APOBEC4: variants seen among roughly 807,000 people sequenced by gnomAD.
The protein encoded by APOBEC4 is apolipoprotein B mRNA editing enzyme catalytic polypeptide like 4.
For missense variants in APOBEC4, 375 were observed against 441.2 expected (o/e 0.85, Z 1.34); for synonymous variants, 141 against 154.2 (o/e 0.91, Z 0.63).
At position 183,646,533 on chromosome 1, in the gene APOBEC4, G is replaced by A. The variant is rs1212624818; in HGVS notation, c.*1145C>T. The A allele has an allele frequency of 6.6e-6, 1 of 152,126 alleles. No individual in the cohort carries two copies. Among genetic ancestry groups the A allele is most frequent in the Non-Finnish European group, 1.5e-5 (1 of 68,010 alleles). The allele number at this position is 152,126 out of a possible 1,614,324, so 9.4% of individuals were successfully genotyped here. The stretch of plus-strand genomic sequence containing the variant: ...GCAAGTGGCAGCAAATGTGAAATAA[G>A]CATAAGCAAAGTGCTTTCATTTAAG... On this transcript the variant is annotated 3_prime_UTR_variant, in exon 2 of 2. Coordinates refer to ENST00000308641, the MANE Select transcript of APOBEC4 (RefSeq NM_203454.3).
At position 183,648,104 on chromosome 1, in the gene APOBEC4, T is replaced by A. The variant is rs746050626; in HGVS notation, c.678A>T (p.Ala226=). Residue 226 remains alanine (A), a synonymous_variant, in exon 2 of 2, where the codon GCA becomes GCT. Transcript: ENST00000308641. ...CGCCTGTTATGGCATTGATTTCATA[T>A]GCGTTGTGCCTGTCAGCCAGTGCTC... ...TGRALADRHN[A]YEINAITGVK... 5.6e-6 allele frequency: 9 copies of A among 1,614,146 alleles called. No individual in the cohort carries two copies. Among genetic ancestry groups the A allele is most frequent in the African/African-American group, 1.3e-5 (1 of 74,940 alleles).
intron 1 of APOBEC4, among the ~76,000 whole-genome samples, chr1:183,651,926 C>T (rs1650784544): frequency 6.6e-6 from 1 of 152,150 alleles, no homozygotes; most frequent in Admixed American, 6.5e-5. Flanking sequence ...CAGAACTTGC[C>T]AAAACCAAGC....
chr1:183,648,958 ATTC>A, intron 1 of APOBEC4, 147 bp from the exon 2 acceptor site: 1 of 573,670 alleles, frequency 1.7e-6, no homozygotes, highest in South Asian at 2.7e-5. Flanking sequence ...AGGATTCATT[ATTC>A]TTTATTGAGA....
chr1:183,647,752 T>C lies in APOBEC4; in HGVS notation c.1030A>G (p.Ile344Val). ...GCAAACTGTTCTGTGATTTCCACTA[T>C]CTCCACTGACCTTCCAGTGGGAAGC... is the stretch of plus-strand genomic sequence containing the variant. ...GRLPTGRSVEIVEITEQFASS... is the reference protein window; with the variant it reads ...GRLPTGRSVEVVEITEQFASS... Residue 344 changes from isoleucine to valine, a missense_variant, in exon 2 of 2, where the codon ATA (isoleucine) becomes GTA (valine). Ile to Val is a conservative substitution (Grantham distance 29, BLOSUM62 3). Transcript: ENST00000308641. 1 of 1,614,170 alleles carries C rather than the reference T, an allele frequency of 6.2e-7. No individual in the cohort carries two copies. The highest frequency in any genetic ancestry group is 8.5e-7 in the Non-Finnish European group (1 of 1,179,996).
rs1650300369 is a variant in APOBEC4, at chr1:183,646,457, A to C, written c.*1221T>G. 1 of 152,112 alleles carries C rather than the reference A, an allele frequency of 6.6e-6. No individual in the cohort carries two copies. Among genetic ancestry groups the C allele is most frequent in the Non-Finnish European group, 1.5e-5 (1 of 68,026 alleles). 9.4% of individuals were successfully genotyped at this position (152,112 alleles called of 1,614,324 possible). ...TAAAGAAAAAAATTAATAGCAAGTT[A>C]CGAGAAAATGTACATTTTTCTTGTA... On this transcript the variant is annotated 3_prime_UTR_variant, in exon 2 of 2. Coordinates refer to ENST00000308641, the MANE Select transcript of APOBEC4 (RefSeq NM_203454.3).
intron 1 of APOBEC4, among the ~76,000 whole-genome samples, chr1:183,650,682 A>T (rs1650678176): frequency 6.7e-6 from 1 of 149,214 alleles, no homozygotes; most frequent in South Asian, 2.1e-4. Flanking sequence ...TGCATATATT[A>T]TATAATATTT....
chr1:183,647,497 G>T lies in APOBEC4; in HGVS notation c.*181C>A. ...ATCAAGTTGCTTATGGAAACATTTT[G>T]GATTATGTTTAAAATAGTGTAACTT... is the stretch of plus-strand genomic sequence containing the variant. On this transcript the variant is annotated 3_prime_UTR_variant, in exon 2 of 2. Transcript: ENST00000308641. 1 of 987,004 alleles carries T rather than the reference G, an allele frequency of 1.0e-6. No homozygotes were observed. Among genetic ancestry groups the T allele is most frequent in the Non-Finnish European group, 1.4e-6 (1 of 738,376 alleles). The allele number at this position is 987,004 out of a possible 1,614,324, so 61.1% of individuals were successfully genotyped here. A position where few individuals can be genotyped will look rare whatever the true frequency, so the allele number is the denominator to read the frequency against.
In APOBEC4 at chr1:183,648,179, A is replaced by C. The variant is rs1413582181; in HGVS notation, c.603T>G (p.Phe201Leu). The change falls in exon 2 of 2, where the codon TTT becomes TTG. Residue 201 changes from phenylalanine (F) to leucine (L), a missense_variant. Coordinates refer to ENST00000308641, the MANE Select transcript of APOBEC4 (RefSeq NM_203454.3). ...CATGTGATCCTGAGACACCACTTAT[A>C]AAGCTGTGGAGAACAGAATGCCAGA... ...GGIWHSVLHS[F>L]ISGVSGSHVF... 1 of 1,614,210 alleles carries C rather than the reference A, an allele frequency of 6.2e-7. No homozygotes were observed. The highest frequency in any genetic ancestry group is 8.5e-7 in the Non-Finnish European group (1 of 1,180,040).
At chr1:183,649,864 T>C (rs1650588358) in intron 1 of APOBEC4, among the ~76,000 whole-genome samples, 1 of 152,238 alleles carries the variant, frequency 6.6e-6, no homozygotes, top group South Asian at 2.1e-4. Context: ...CAGATTGCAG[T>C]GCAGTGAGAT....
Position 183,648,593 on chromosome 1 carries a change from TG to T in APOBEC4, c.188del (p.Thr63LysfsTer9). On this transcript the variant is annotated frameshift_variant, in exon 2 of 2. Coordinates refer to ENST00000308641, the MANE Select transcript of APOBEC4 (RefSeq NM_203454.3). LOFTEE classifies it low-confidence loss of function (END_TRUNC). ...GFPYGTTFPQ[T>X]KHLTFYELKT... ...TTAGTTCATAAAATGTGAGGTGTTT[TG>T]TTTGAGGAAATGTTGTCCCATAAGG... The T allele has an allele frequency of 6.2e-7, 1 of 1,614,234 alleles. No homozygotes were observed. The highest frequency in any genetic ancestry group is 1.1e-5 in the South Asian group (1 of 91,090).
In APOBEC4 at chr1:183,648,811, C is replaced by A. The variant is rs752259873; in HGVS notation, c.-30G>T. Reference sequence around the variant, plus strand: ...AGATTTACTGTCTTCTAGCTGCAAACCTAAACAAGGAAGAGAAATTACATA... The same window carrying A: ...AGATTTACTGTCTTCTAGCTGCAAAACTAAACAAGGAAGAGAAATTACATA... On this transcript the variant is annotated splice_region_variant and 5_prime_UTR_variant, in exon 2 of 2. Coordinates refer to ENST00000308641, the MANE Select transcript of APOBEC4 (RefSeq NM_203454.3). 1.6e-5 allele frequency: 24 copies of A among 1,517,448 alleles called. No homozygotes were observed. The African/African-American group carries it at 2.9e-4, about 19-fold the overall frequency. 94.0% of individuals were successfully genotyped at this position (1,517,448 alleles called of 1,614,324 possible).
intron 1 of APOBEC4, among the ~76,000 whole-genome samples, chr1:183,650,468 A>G (rs183741972): frequency 2.2e-4 from 33 of 152,230 alleles, no homozygotes; most frequent in East Asian, 5.8e-4. Context: ...GCGTGAACCC[A>G]GGAGGCAGAG....
rs889407861 is a variant in APOBEC4 at position 183,646,523 on chromosome 1, T to A, written c.*1155A>T. 6.6e-6 allele frequency: 1 copy of A among 152,154 alleles called. No homozygotes were observed. Among genetic ancestry groups the A allele is most frequent in the Non-Finnish European group, 1.5e-5 (1 of 68,008 alleles). 9.4% of individuals were successfully genotyped at this position (152,154 alleles called of 1,614,324 possible). On this transcript the variant is annotated 3_prime_UTR_variant, in exon 2 of 2. Coordinates refer to ENST00000308641, the MANE Select transcript of APOBEC4 (RefSeq NM_203454.3). ...TTTCAAAGAGGCAAGTGGCAGCAAA[T>A]GTGAAATAAGCATAAGCAAAGTGCT... is the stretch of plus-strand genomic sequence containing the variant.
Position 183,647,958 on chromosome 1 carries a change from G to A in APOBEC4, c.824C>T (p.Pro275Leu), listed in dbSNP as rs754797713. 15 of 1,614,160 alleles carry A rather than the reference G, an allele frequency of 9.3e-6. No homozygotes were observed. Among genetic ancestry groups the A allele is most frequent in the Non-Finnish European group, 1.2e-5 (14 of 1,180,020 alleles). The change falls in exon 2 of 2, where the codon CCG (proline) becomes CTG (leucine). Residue 275 changes from proline (P) to leucine (L), a missense_variant. Coordinates refer to ENST00000308641, the MANE Select transcript of APOBEC4 (RefSeq NM_203454.3). ...TAGGTTGGGTTGGAGTTGTCCACTCGGCATTTGAAAAAACTGTCCAGGAAA... is the reference window on the plus strand; with the variant it reads ...TAGGTTGGGTTGGAGTTGTCCACTCAGCATTTGAAAAAACTGTCCAGGAAA... ...NAFPGQFFQM[P>L]SGQLQPNLPP...
chr1:183,649,022 C>T (rs767748397), intron 1 of APOBEC4, among the ~76,000 whole-genome samples: 2 of 152,204 alleles, frequency 1.3e-5, no homozygotes, highest in Non-Finnish European at 2.9e-5. Flanking sequence ...TTCAACTTTA[C>T]CTGTTTCATA....
At position 183,647,808 on chromosome 1, in the gene APOBEC4, A is replaced by G; in HGVS notation, c.974T>C (p.Met325Thr). 6.2e-7 allele frequency: 1 copy of G among 1,614,076 alleles called. No individual in the cohort carries two copies. ...AAGGTCCTTGGTTTCCTGGAATGAC[A>G]TTTGAGGCATATTTAAGTGCCTTAC... Reference protein sequence around the residue: ...NIVRHLNMPQMSFQETKDLGR... With the variant: ...NIVRHLNMPQTSFQETKDLGR... Residue 325 changes from methionine (M) to threonine (T), a missense_variant, in exon 2 of 2, where the codon ATG (methionine) becomes ACG (threonine). Met to Thr is a moderately conservative substitution (Grantham distance 81). Coordinates refer to ENST00000308641, the MANE Select transcript of APOBEC4 (RefSeq NM_203454.3).
At chr1:183,650,401 G>A (rs138050289) in intron 1 of APOBEC4, among the ~76,000 whole-genome samples, 1,841 of 152,170 alleles carry the variant, frequency 0.012, 45 homozygotes, top group African/African-American at 0.043. Flanking sequence ...AAATTAGCCA[G>A]GTGTGGTGGC....
chr1:183,647,265 T>G lies in APOBEC4; in HGVS notation c.*413A>C, dbSNP rs1025776445. The G allele has an allele frequency of 5.1e-5, 8 of 156,516 alleles. No individual in the cohort carries two copies. Among genetic ancestry groups the G allele is most frequent in the African/African-American group, 1.9e-4 (8 of 41,654 alleles). 9.7% of individuals were successfully genotyped at this position (156,516 alleles called of 1,614,324 possible). A position where few individuals can be genotyped will look rare whatever the true frequency, so the allele number is the denominator to read the frequency against. On this transcript the variant is annotated 3_prime_UTR_variant, in exon 2 of 2. Transcript: ENST00000308641. ...CTGGTTTGCTCCTGCAAACAGCACTTAATGTCAGTAGCTTCAGGCTGTTTT... is the reference window on the plus strand; with the variant it reads ...CTGGTTTGCTCCTGCAAACAGCACTGAATGTCAGTAGCTTCAGGCTGTTTT...
chr1:183,647,900 C>G lies in APOBEC4; in HGVS notation c.882G>C (p.Val294=). The G allele has an allele frequency of 6.2e-7, 1 of 1,614,132 alleles. No individual in the cohort carries two copies. Residue 294 remains valine (V), a synonymous_variant, in exon 2 of 2, where the codon GTG becomes GTC. Coordinates refer to ENST00000308641, the MANE Select transcript of APOBEC4 (RefSeq NM_203454.3). ...GTGGTAAGTCCCTGAGAGGCACTAG[C>G]ACAAAAACAACAGGAGCCCTGAGGT... ...PPDLRAPVVF[V]LVPLRDLPPM...
Sources: gnomAD v4.1 joint callset for allele counts (sites outside exome capture counted in the v4.1 genomes callset) on GRCh38, gnomAD v4.1.1 for gene constraint, MANE v1.5 for transcripts, NCBI Gene and HGNC (gene_info 2026-07-23, HGNC 2026-07-21) for gene names.